Variants in TTC7B observed in about 807,000 individuals in gnomAD.
TTC7B encodes the protein tetratricopeptide repeat domain 7B.
Under a neutral mutation model 106.8 loss-of-function variants are expected in TTC7B, and 28 were observed. The observed-to-expected ratio is 0.26, with a 90% CI of 0.19 to 0.36. TTC7B has a LOEUF of 0.36. Ranked by LOEUF, TTC7B falls within the 10% of genes least tolerant of loss-of-function variation. TTC7B has a pLI of 1.00. For missense variants in TTC7B, 862 were observed against 1,076.4 expected (o/e 0.80, Z 2.79); for synonymous variants, 405 against 430.6 (o/e 0.94, Z 0.74).
intron 18 of TTC7B, among the ~76,000 whole-genome samples, chr14:90,580,572 C>T (rs1384432636): frequency 6.6e-6 from 1 of 152,208 alleles, no homozygotes; most frequent in Non-Finnish European, 1.5e-5. Flanking sequence ...TATCTGCTTC[C>T]TACCGCCTCC....
chr14:90,701,355 T>C (rs1887976950), intron 5 of TTC7B, among the ~76,000 whole-genome samples: 1 of 152,168 alleles, frequency 6.6e-6, no homozygotes, highest in Non-Finnish European at 1.5e-5. Flanking sequence ...GAGTAGGGAC[T>C]ACGGCCCAGG....
At chr14:90,669,669 TAA>T (rs1269231602) in intron 9 of TTC7B, among the ~76,000 whole-genome samples, 7 of 152,004 alleles carry the variant, frequency 4.6e-5, no homozygotes, top group African/African-American at 1.7e-4. Flanking sequence ...AATAAGCACA[TAA>T]AAAGATGCTC....
chr14:90,722,642 T>C (rs1181063427), intron 5 of TTC7B, among the ~76,000 whole-genome samples: 1 of 152,238 alleles, frequency 6.6e-6, no homozygotes, highest in East Asian at 1.9e-4. Context: ...CATCTGCTCC[T>C]CAACTTCCCC....
At chr14:90,633,108 T>C (rs1884771678) in intron 15 of TTC7B, among the ~76,000 whole-genome samples, 2 of 152,220 alleles carry the variant, frequency 1.3e-5, no homozygotes, top group South Asian at 2.1e-4. Flanking sequence ...ACTGAGGGTG[T>C]GTCTCAATAT....
At chr14:90,714,915 T>C (rs1175545665) in intron 5 of TTC7B, among the ~76,000 whole-genome samples, 2 of 152,194 alleles carry the variant, frequency 1.3e-5, no homozygotes, top group Non-Finnish European at 2.9e-5. Flanking sequence ...TTTCTCATTC[T>C]TTCACCTCTT....
At chr14:90,629,499 G>A (rs1396827855) in intron 15 of TTC7B, among the ~76,000 whole-genome samples, 1 of 152,156 alleles carries the variant, frequency 6.6e-6, no homozygotes, top group African/African-American at 2.4e-5. Flanking sequence ...TGAACGAAGA[G>A]CTACCAGGCT....
chr14:90,630,278 A>G (rs957509790), intron 15 of TTC7B, among the ~76,000 whole-genome samples: 1 of 152,160 alleles, frequency 6.6e-6, no homozygotes, highest in Non-Finnish European at 1.5e-5. Flanking sequence ...CCTCACAGAA[A>G]GAGGACATCC....
At chr14:90,660,287 G>A (rs1358232665) in intron 9 of TTC7B, among the ~76,000 whole-genome samples, 2 of 150,850 alleles carry the variant, frequency 1.3e-5, no homozygotes, top group Admixed American at 1.3e-4. Flanking sequence ...TTACTCAGGA[G>A]GCTGAGGAGG....
rs1371653605 is a variant in TTC7B at position 90,526,854 on chromosome 14, C to T, written c.*14514G>A. 6.6e-6 allele frequency: 1 copy of T among 152,162 alleles called. No individual in the cohort carries two copies. Among genetic ancestry groups the T allele is most frequent in the African/African-American group, 2.4e-5 (1 of 41,422 alleles). The allele number at this position is 152,162 out of a possible 1,614,324, so 9.4% of individuals were successfully genotyped here. On this transcript the variant is annotated 3_prime_UTR_variant, in exon 20 of 20. Coordinates refer to ENST00000328459, the MANE Select transcript of TTC7B (RefSeq NM_001010854.2). ...TGCTGAACTGTGAGTCAATTAAACT[C>T]GTTTTCTTTATAAATTACCTAGTCT... is the stretch of plus-strand genomic sequence containing the variant.
At chr14:90,758,739 G>C (rs75853621) in intron 3 of TTC7B, among the ~76,000 whole-genome samples, 6,330 of 152,210 alleles carry the variant, frequency 0.042, 173 homozygotes, top group Non-Finnish European at 0.057. Context: ...CAGGATCGAC[G>C]TGTCCTCCTT....
chr14:90,682,314 A>T (rs1165812190), intron 7 of TTC7B, among the ~76,000 whole-genome samples: 1 of 152,230 alleles, frequency 6.6e-6, no homozygotes, highest in Non-Finnish European at 1.5e-5. Context: ...CAAGTGGCAC[A>T]TTAACCGAAT....
rs1287985868 is a variant in TTC7B, at chr14:90,808,641, T to A, written c.121+7534A>T. On this transcript the variant is annotated intron_variant, in intron 1 of 19. Transcript: ENST00000328459. This position sits in a 1 kb window ranked among gnomAD's most constrained non-coding sequence, Gnocchi z 4.2. ...TATTTTATATGGCACCCATTTGACC[T>A]ATCTCTGGGTCAGACATCCGCTCAT... 6.6e-6 allele frequency among the ~76,000 whole-genome samples: 1 copy of A among 152,164 alleles called. No individual in the cohort carries two copies. The highest frequency in any genetic ancestry group is 1.5e-5 in the Non-Finnish European group (1 of 68,026).
chr14:90,656,949 G>GA (rs1317950351), intron 11 of TTC7B, among the ~76,000 whole-genome samples: 1 of 152,152 alleles, frequency 6.6e-6, no homozygotes, highest in Non-Finnish European at 1.5e-5. Flanking sequence ...AATCCCATAG[G>GA]AAAAAACCCC....
chr14:90,792,489 A>C (rs1205805221), intron 1 of TTC7B, among the ~76,000 whole-genome samples: 1 of 152,168 alleles, frequency 6.6e-6, no homozygotes, highest in East Asian at 1.9e-4. Flanking sequence ...AGGCAGGAGA[A>C]TCACTTGAAA....
At chr14:90,626,824 G>A (rs1425916811) in intron 15 of TTC7B, among the ~76,000 whole-genome samples, 1 of 152,146 alleles carries the variant, frequency 6.6e-6, no homozygotes, top group Non-Finnish European at 1.5e-5. Flanking sequence ...AACAGAACCA[G>A]TGACGGGGGG....
chr14:90,566,437 A>G (rs905409174), intron 19 of TTC7B, among the ~76,000 whole-genome samples: 4 of 152,224 alleles, frequency 2.6e-5, no homozygotes, highest in East Asian at 1.9e-4. Context: ...GCAAAGTGCA[A>G]TAAGACAAAG....
intron 19 of TTC7B, among the ~76,000 whole-genome samples, chr14:90,546,630 G>A (rs935412042): frequency 2.0e-5 from 3 of 152,194 alleles, no homozygotes; most frequent in Admixed American, 6.5e-5. Flanking sequence ...AACCAGCAGC[G>A]CTGCCCAGCA....
intron 3 of TTC7B, chr14:90,766,805 A>G (rs1359792047): frequency 6.3e-7 from 1 of 1,582,740 alleles, no homozygotes; most frequent in Non-Finnish European, 8.6e-7. Context: ...GATGTAAAGG[A>G]TGGAAAATAT....
intron 19 of TTC7B, among the ~76,000 whole-genome samples, chr14:90,556,154 T>C (rs938844869): frequency 2.6e-5 from 4 of 152,188 alleles, no homozygotes; most frequent in Non-Finnish European, 2.9e-5. Flanking sequence ...ACAGGTCCAC[T>C]GGCGGCAGCG....
Sources: gnomAD v4.1 joint callset for allele counts (sites outside exome capture counted in the v4.1 genomes callset) on GRCh38, gnomAD v4.1.1 for gene constraint, Gnocchi (gnomAD v3.1) non-coding constraint, MANE v1.5 for transcripts, NCBI Gene and HGNC (gene_info 2026-07-23, HGNC 2026-07-21) for gene names.